ZNF845: variants seen among roughly 807,000 people sequenced by gnomAD.
ZNF845 encodes the protein zinc finger protein 845.
In ZNF845, 59 loss-of-function variants were observed where a neutral mutation model predicts 76.1. The ratio of observed to expected loss-of-function variants is 0.78; its 90% CI spans 0.63 to 0.96. The LOEUF is 0.96. ZNF845 is among the 40% of genes least tolerant of loss of function. ZNF845 has a pLI of 0.00. For synonymous variants in ZNF845, 361 were observed against 386.9 expected (o/e 0.93, Z 0.78); for missense variants, 1,045 against 1,172.8 (o/e 0.89, Z 1.59).
At chr19:53,339,997 G>A (rs983495077) in intron 1 of ZNF845, among the ~76,000 whole-genome samples, 7 of 151,826 alleles carry the variant, frequency 4.6e-5, no homozygotes, top group African/African-American at 7.3e-5. Context: ...ATTCTCGTGC[G>A]TCAGCCTCCC....
chr19:53,340,438 AC>A (rs2085248278), intron 1 of ZNF845, among the ~76,000 whole-genome samples: 1 of 151,692 alleles, frequency 6.6e-6, no homozygotes, highest in South Asian at 2.1e-4. Context: ...TGTCCAGTTG[AC>A]TCCTTAACTC....
rs1203014065 is a variant in ZNF845 at position 53,343,475 on chromosome 19, T to A, written c.16-2031T>A. On this transcript the variant is annotated intron_variant, in intron 2 of 3. Transcript: ENST00000458035. ...TCTTCTAGGATGGGGCATTCCCTGT[T>A]TTCTTAGATCTGACAAGATTCCCCC... Among the ~76,000 whole-genome samples, 16 of 152,272 alleles carry A rather than the reference T, an allele frequency of 1.1e-4. No homozygotes were observed. The East Asian group carries it at 3.1e-3, about 29-fold the overall frequency.
In ZNF845 at chr19:53,350,861, A is replaced by G. The variant is rs1413119811; in HGVS notation, c.186A>G (p.Ala62=). Residue 62 remains alanine, a synonymous_variant, in exon 4 of 4, where the codon GCA becomes GCG. Coordinates refer to ENST00000458035, the MANE Select transcript of ZNF845 (RefSeq NM_138374.3). ...TGATGAAGGAGTTCTCATCAACAGC[A>G]CAAGGCAATACAGAAGTGATCCACA... ...KCMMKEFSST[A]QGNTEVIHTG... 1 of 1,614,012 alleles carries G rather than the reference A, an allele frequency of 6.2e-7. No homozygotes were observed. The highest frequency in any genetic ancestry group is 8.5e-7 in the Non-Finnish European group (1 of 1,179,986).
Position 53,351,157 on chromosome 19 carries a change from G to A in ZNF845, c.482G>A (p.Gly161Asp). Reference protein sequence around the residue: ...LHMFQTEGKIGNQVEKSINSA... With the variant: ...LHMFQTEGKIDNQVEKSINSA... ...ATGTTTCAGACCGAAGGGAAAATTG[G>A]TAATCAAGTTGAGAAGTCTATCAAC... Residue 161 changes from glycine to aspartate, a missense_variant, in exon 4 of 4, where the codon GGT becomes GAT. Transcript: ENST00000458035. The A allele has an allele frequency of 6.2e-7, 1 of 1,614,188 alleles. No homozygotes were observed. The highest frequency in any genetic ancestry group is 1.1e-5 in the South Asian group (1 of 91,082).
chr19:53,356,678 C>T lies in ZNF845; in HGVS notation c.*3090C>T, dbSNP rs2085388359. 3 of 152,070 alleles carry T rather than the reference C, an allele frequency of 2.0e-5. No individual in the cohort carries two copies. The highest frequency in any genetic ancestry group is 4.4e-5 in the Non-Finnish European group (3 of 68,030). 9.4% of individuals were successfully genotyped at this position (152,070 alleles called of 1,614,324 possible). ...GGCGTGGTGGCTCACGCCTGTAATC[C>T]CAGCACTTTGGGAGGCTAAGGTGGG... On this transcript the variant is annotated 3_prime_UTR_variant, in exon 4 of 4. Transcript: ENST00000458035.
intron 2 of ZNF845, among the ~76,000 whole-genome samples, chr19:53,344,097 C>T (rs985001717): frequency 6.6e-6 from 1 of 152,112 alleles, no homozygotes; most frequent in African/African-American, 2.4e-5. Flanking sequence ...CGTCAGCCTC[C>T]TGAGTAACTG....
At chr19:53,337,582 A>G (rs1292861442) in intron 1 of ZNF845, among the ~76,000 whole-genome samples, 2 of 151,778 alleles carry the variant, frequency 1.3e-5, no homozygotes, top group Non-Finnish European at 2.9e-5. Context: ...ATTTAATTTA[A>G]TTTTACTTTT....
At chr19:53,337,749 A>C (rs1003369798) in intron 1 of ZNF845, among the ~76,000 whole-genome samples, 2 of 151,998 alleles carry the variant, frequency 1.3e-5, no homozygotes, top group African/African-American at 4.8e-5. Context: ...TATTTTTAGT[A>C]GAGATGGAGT....
In ZNF845 at chr19:53,341,314, C is replaced by G; in HGVS notation, c.7C>G (p.Leu3Val). The G allele has an allele frequency of 1.2e-6, 2 of 1,614,018 alleles. No individual in the cohort carries two copies. Among genetic ancestry groups the G allele is most frequent in the East Asian group, 2.2e-5 (1 of 44,868 alleles). Residue 3 changes from leucine (L) to valine (V), a missense_variant, in exon 2 of 4, where the codon CTT becomes GTT. Leu to Val is a conservative substitution (Grantham distance 32). Transcript: ENST00000458035. Reference protein sequence around the residue: MALSQGLLTFRDV... With the variant: MAVSQGLLTFRDV... ...GAAAGCAAAGGAGTCAGGGATGGCTCTTTCTCAGGTGAGATGATATGTTGG... is the reference window on the plus strand; with the variant it reads ...GAAAGCAAAGGAGTCAGGGATGGCTGTTTCTCAGGTGAGATGATATGTTGG...
rs1270799749 is a variant in ZNF845 at position 53,352,480 on chromosome 19, A to G, written c.1805A>G (p.Asn602Ser). ...ATTGCAAATCATTGGAGAATCCATAATGAAGAGAGATCGTACAAGTGTAAT... is the reference window on the plus strand; with the variant it reads ...ATTGCAAATCATTGGAGAATCCATAGTGAAGAGAGATCGTACAAGTGTAAT... ...TTIANHWRIH[N>S]EERSYKCNRC... is the part of the protein sequence containing the mutation. Residue 602 changes from asparagine to serine, a missense_variant, in exon 4 of 4, where the codon AAT becomes AGT. Coordinates refer to ENST00000458035, the MANE Select transcript of ZNF845 (RefSeq NM_138374.3). 1.2e-6 allele frequency: 2 copies of G among 1,612,840 alleles called. No individual in the cohort carries two copies. Among genetic ancestry groups the G allele is most frequent in the South Asian group, 1.1e-5 (1 of 90,972 alleles).
rs182252011 is a variant in ZNF845 at position 53,352,398 on chromosome 19, A to G, written c.1723A>G (p.Ile575Val). 635 of 1,613,672 alleles carry G rather than the reference A, an allele frequency of 3.9e-4. 2 individuals are homozygous for G. In the African/African-American group the frequency reaches 6.5e-3, roughly 17 times the overall value. The change falls in exon 4 of 4, where the codon ATA becomes GTA. Residue 575 changes from isoleucine (I) to valine (V), a missense_variant. Coordinates refer to ENST00000458035, the MANE Select transcript of ZNF845 (RefSeq NM_138374.3). ...TATTTACCATCAAGCAATCCATGGTATAGGGAAACTTTACAAATGTAATGA... is the reference window on the plus strand; with the variant it reads ...TATTTACCATCAAGCAATCCATGGTGTAGGGAAACTTTACAAATGTAATGA... Reference protein sequence around the residue: ...ALIYHQAIHGIGKLYKCNDCH... With the variant: ...ALIYHQAIHGVGKLYKCNDCH...
Position 53,351,557 on chromosome 19 carries a change from T to A in ZNF845, c.882T>A (p.Thr294=). Residue 294 remains threonine (T), a synonymous_variant, in exon 4 of 4, where the codon ACT becomes ACA. Transcript: ENST00000458035. The part of the protein sequence containing the change: ...LTLTCHHRLH[T]GEKHYKCSEC... ...TTACATGCCATCATAGACTTCATAC[T>A]GGAGAGAAACATTACAAGTGCAGTG... The A allele has an allele frequency of 6.2e-7, 1 of 1,614,158 alleles. No homozygotes were observed. Among genetic ancestry groups the A allele is most frequent in the Non-Finnish European group, 8.5e-7 (1 of 1,179,990 alleles).
At chr19:53,340,799 GTCC>G in intron 1 of ZNF845, 1 of 344,724 alleles carries the variant, frequency 2.9e-6, no homozygotes, top group Non-Finnish European at 5.2e-6. Flanking sequence ...TGTTTCCCGT[GTCC>G]TCCTCCCTCC....
intron 3 of ZNF845, chr19:53,346,482 AC>A: frequency 7.2e-6 from 2 of 277,844 alleles, no homozygotes; most frequent in South Asian, 2.6e-5. Context: ...GGAGCTCAAA[AC>A]CAGCCTGGCT....
intron 1 of ZNF845, among the ~76,000 whole-genome samples, chr19:53,335,177 TC>T (rs2085204680): frequency 6.6e-6 from 1 of 152,174 alleles, no homozygotes; most frequent in Non-Finnish European, 1.5e-5. Flanking sequence ...CTCTCTTCCC[TC>T]TTCCCATGGT....
At chr19:53,344,599 A>ATTTT (rs2085280010) in intron 2 of ZNF845, among the ~76,000 whole-genome samples, 3 of 124,508 alleles carry the variant, frequency 2.4e-5, no homozygotes, top group South Asian at 2.7e-4. Context: ...TTTTTATTTT[A>ATTTT]TTTTATTTAT....
chr19:53,348,361 A>G (rs1451297916), intron 3 of ZNF845, among the ~76,000 whole-genome samples: 1 of 152,200 alleles, frequency 6.6e-6, no homozygotes, highest in Non-Finnish European at 1.5e-5. Context: ...ATCCAAGAGC[A>G]AGGTGCCAGC....
chr19:53,334,143 C>T (rs1200397067), intron 1 of ZNF845, among the ~76,000 whole-genome samples: 2 of 152,204 alleles, frequency 1.3e-5, no homozygotes, highest in African/African-American at 4.8e-5. Context: ...CTTAAGGCGC[C>T]GTCGCCCCCC....
chr19:53,336,205 A>G lies in ZNF845; in HGVS notation c.-74+2413A>G, dbSNP rs544105859. On this transcript the variant is annotated intron_variant, in intron 1 of 3. Transcript: ENST00000458035. Reference sequence around the variant, plus strand: ...CCATCCTGGGCGAGAGCGAGACTCCATCTCAAAAAAAAAAAAAAAAGGAAC... The same window carrying G: ...CCATCCTGGGCGAGAGCGAGACTCCGTCTCAAAAAAAAAAAAAAAAGGAAC... 1.0e-3 allele frequency among the ~76,000 whole-genome samples: 125 copies of G among 120,160 alleles called. 1 individual carries two copies. The Middle Eastern group carries it at 0.022, about 21-fold the overall frequency. The allele number at this position is 120,160 out of a possible 152,430, so 78.8% of individuals were successfully genotyped here.
Sources: allele counts gnomAD v4.1 joint callset (sites outside exome capture counted in the v4.1 genomes callset), GRCh38; gene constraint gnomAD v4.1.1; transcripts MANE v1.5; gene names NCBI Gene and HGNC (gene_info 2026-07-23, HGNC 2026-07-21).